The following MAGEB4 variants were observed in gnomAD, a reference collection of about 807,000 sequenced individuals.
The protein encoded by MAGEB4 is MAGE family member B4.
For missense variants in MAGEB4, 237 were observed against 269.3 expected (o/e 0.88, Z 0.84); for synonymous variants, 101 against 101.9 (o/e 0.99, Z 0.05).
In MAGEB4 at chrX:30,242,277, G is replaced by T; in HGVS notation, c.142G>T (p.Asp48Tyr). The T allele has an allele frequency of 8.3e-7, 1 of 1,206,791 alleles. No homozygotes were observed. Among genetic ancestry groups the T allele is most frequent in the Non-Finnish European group, 1.1e-6 (1 of 893,431 alleles). ...TTCCTCTTCCTCATCTGTTTTGAGGGATACTGCCTCCAGCTCCCTTGCTTT... is the reference window on the plus strand; with the variant it reads ...TTCCTCTTCCTCATCTGTTTTGAGGTATACTGCCTCCAGCTCCCTTGCTTT... ...SPSSSSSVLR[D>Y]TASSSLAFGI... The change falls in exon 1 of 1, where the codon GAT becomes TAT. Residue 48 changes from aspartate to tyrosine, a missense_variant. Coordinates refer to ENST00000378982, the MANE Select transcript of MAGEB4 (RefSeq NM_002367.4).
chrX:30,242,304 G>A lies in MAGEB4; in HGVS notation c.169G>A (p.Gly57Ser). 1.7e-6 allele frequency: 2 copies of A among 1,204,659 alleles called. No individual in the cohort carries two copies. The highest frequency in any genetic ancestry group is 2.2e-6 in the Non-Finnish European group (2 of 892,676). The change falls in exon 1 of 1, where the codon GGC becomes AGC. Residue 57 changes from glycine to serine, a missense_variant. Gly to Ser is a moderately conservative substitution (Grantham distance 56). Transcript: ENST00000378982. ...RDTASSSLAF[G>S]IPQEPQREPP... Reference sequence around the variant, plus strand: ...TACTGCCTCCAGCTCCCTTGCTTTTGGCATTCCCCAGGAGCCTCAGAGAGA... The same window carrying A: ...TACTGCCTCCAGCTCCCTTGCTTTTAGCATTCCCCAGGAGCCTCAGAGAGA...
rs1354771990 is a variant in MAGEB4 at position 30,242,710 on chromosome X, C to T, written c.575C>T (p.Ala192Val). 1 of 1,209,674 alleles carries T rather than the reference C, an allele frequency of 8.3e-7. No individual in the cohort carries two copies. Among genetic ancestry groups the T allele is most frequent in the African/African-American group, 1.7e-5 (1 of 57,208 alleles). ...LGPNDGNQSSAWTLPRNGLLM... is the reference protein window; with the variant it reads ...LGPNDGNQSSVWTLPRNGLLM... ...CCCAACGATGGAAACCAGAGCAGTG[C>T]CTGGACCCTTCCAAGGAATGGGCTT... Residue 192 changes from alanine (A) to valine (V), a missense_variant, in exon 1 of 1, where the codon GCC becomes GTC. By Grantham distance (64) the Ala-to-Val change is moderately conservative. Coordinates refer to ENST00000378982, the MANE Select transcript of MAGEB4 (RefSeq NM_002367.4).
chrX:30,243,299 A>G lies in MAGEB4; in HGVS notation c.*123A>G, dbSNP rs991035844. On this transcript the variant is annotated 3_prime_UTR_variant, in exon 1 of 1. Coordinates refer to ENST00000378982, the MANE Select transcript of MAGEB4 (RefSeq NM_002367.4). ...TTTTCCATGATGTTTCTTAAAATAG[A>G]AAGTTTATTTAGATTCAGAATATAA... 1.9e-6 allele frequency: 1 copy of G among 536,211 alleles called. No individual in the cohort carries two copies. Among genetic ancestry groups the G allele is most frequent in the Admixed American group, 4.8e-5 (1 of 20,950 alleles). The allele number at this position is 536,211 out of a possible 1,213,427, so 44.2% of individuals were successfully genotyped here.
rs1925212198 is a variant in MAGEB4, at chrX:30,243,443, A to G, written c.*267A>G. On this transcript the variant is annotated 3_prime_UTR_variant, in exon 1 of 1. Transcript: ENST00000378982. Reference sequence around the variant, plus strand: ...GAAATAATTTTTGTGATACAGAGCAAAATAACACGGCATGGGAGTAAGGTT... The same window carrying G: ...GAAATAATTTTTGTGATACAGAGCAGAATAACACGGCATGGGAGTAAGGTT... 1 of 279,208 alleles carries G rather than the reference A, an allele frequency of 3.6e-6. No individual in the cohort carries two copies. The highest frequency in any genetic ancestry group is 2.8e-5 in the African/African-American group (1 of 36,331). 23.0% of individuals were successfully genotyped at this position (279,208 alleles called of 1,213,427 possible).
rs373465680 is a variant in MAGEB4 at position 30,242,690 on chromosome X, C to T, written c.555C>T (p.Asn185=). The T allele has an allele frequency of 4.8e-5, 58 of 1,210,007 alleles. No individual in the cohort carries two copies. Among genetic ancestry groups the T allele is most frequent in the Non-Finnish European group, 5.9e-5 (53 of 895,215 alleles). Residue 185 remains asparagine (N), a synonymous_variant, in exon 1 of 1, where the codon AAC becomes AAT. Coordinates refer to ENST00000378982, the MANE Select transcript of MAGEB4 (RefSeq NM_002367.4). ...TCCTCGTCAGCATGCTAGGCCCCAA[C>T]GATGGAAACCAGAGCAGTGCCTGGA... ...SYILVSMLGP[N]DGNQSSAWTL... is the part of the protein sequence containing the mutation.
In MAGEB4 at chrX:30,243,929, GT is replaced by G. The variant is rs1295468266; in HGVS notation, c.*758del. ...AAATGATTTATCTTTTCTTTTTCCT[GT>G]TTTTCAGTGTTCTTTTTTTAAATTG... On this transcript the variant is annotated 3_prime_UTR_variant, in exon 1 of 1. Transcript: ENST00000378982. 2 of 124,106 alleles carry G rather than the reference GT, an allele frequency of 1.6e-5. No individual in the cohort carries two copies. Among genetic ancestry groups the G allele is most frequent in the African/African-American group, 6.4e-5 (2 of 31,023 alleles). The allele number at this position is 124,106 out of a possible 1,213,427, so 10.2% of individuals were successfully genotyped here. A position where few individuals can be genotyped will look rare whatever the true frequency, so the allele number is the denominator to read the frequency against.
In MAGEB4 at chrX:30,242,605, G is replaced by C; in HGVS notation, c.470G>C (p.Arg157Pro). 1.7e-6 allele frequency: 2 copies of C among 1,210,717 alleles called. No individual in the cohort carries two copies. The highest frequency in any genetic ancestry group is 2.2e-6 in the Non-Finnish European group (2 of 895,033). ...GAGATCTTCAGGAAAGTCTCTCAGC[G>C]CACGGAGCTGGTCTTTGGCCTTGCC... ...FPEIFRKVSQ[R>P]TELVFGLALK... The change falls in exon 1 of 1, where the codon CGC (arginine) becomes CCC (proline). Residue 157 changes from arginine to proline, a missense_variant. Coordinates refer to ENST00000378982, the MANE Select transcript of MAGEB4 (RefSeq NM_002367.4).
At position 30,242,912 on chromosome X, in the gene MAGEB4, G is replaced by C; in HGVS notation, c.777G>C (p.Gln259His). 8.2e-7 allele frequency: 1 copy of C among 1,212,207 alleles called. No individual in the cohort carries two copies. The highest frequency in any genetic ancestry group is 1.1e-6 in the Non-Finnish European group (1 of 895,566). ...AGGAAAAATATCTGGAATACCAGCA[G>C]GTGCCCAACAGTGATCCCCCACGCT... is the stretch of plus-strand genomic sequence containing the variant. ...LVQEKYLEYQ[Q>H]VPNSDPPRYQ... Residue 259 changes from glutamine (Q) to histidine (H), a missense_variant, in exon 1 of 1, where the codon CAG (glutamine) becomes CAC (histidine). By Grantham distance (24) the Gln-to-His change is conservative. Coordinates refer to ENST00000378982, the MANE Select transcript of MAGEB4 (RefSeq NM_002367.4).
chrX:30,243,108 C>A lies in MAGEB4; in HGVS notation c.973C>A (p.Arg325Ser), dbSNP rs374728070. 1 of 1,208,439 alleles carries A rather than the reference C, an allele frequency of 8.3e-7. No homozygotes were observed. The highest frequency in any genetic ancestry group is 3.0e-5 in the East Asian group (1 of 33,832). ...AGCCCGGCCCAGAGTTGCAGCCAGG[C>A]GTGGCACTACAGCCATGACTAGTGC... ...AGARPRVAAR[R>S]GTTAMTSAYS... Residue 325 changes from arginine to serine, a missense_variant, in exon 1 of 1, where the codon CGT becomes AGT. Transcript: ENST00000378982.
Position 30,242,809 on chromosome X carries a change from A to AT in MAGEB4, c.675dup (p.Met226TyrfsTer6). On this transcript the variant is annotated frameshift_variant, in exon 1 of 1. Transcript: ENST00000378982. LOFTEE classifies it low-confidence loss of function (END_TRUNC). The stretch of plus-strand genomic sequence containing the variant: ...GAAGAGGAAATCTGGGAATTCCTGA[A>AT]TATGCTGGGGATCTATGATGGAAAG... 8.3e-7 allele frequency: 1 copy of AT among 1,211,723 alleles called. No homozygotes were observed. The highest frequency in any genetic ancestry group is 3.0e-5 in the East Asian group (1 of 33,866).
rs1925155968 is a variant in MAGEB4, at chrX:30,242,160, C to A, written c.25C>A (p.Leu9Ile). The A allele has an allele frequency of 8.7e-7, 1 of 1,147,938 alleles. No individual in the cohort carries two copies. The highest frequency in any genetic ancestry group is 2.8e-5 in the Admixed American group (1 of 35,217). The allele number at this position is 1,147,938 out of a possible 1,213,427, so 94.6% of individuals were successfully genotyped here. ...CATGCCTCGGGGTCAGAAGAGTAAG[C>A]TCCGTGCCCGTGAGAAACGCCAGCG... MPRGQKSK[L>I]RAREKRQRTR... Residue 9 changes from leucine (L) to isoleucine (I), a missense_variant, in exon 1 of 1, where the codon CTC becomes ATC. Transcript: ENST00000378982.
Position 30,242,079 on chromosome X carries a change from C to A in MAGEB4, c.-57C>A, listed in dbSNP as rs1279379501. 1.4e-5 allele frequency: 14 copies of A among 976,691 alleles called. No homozygotes were observed. In the South Asian group the frequency reaches 2.5e-4, roughly 18 times the overall value. The allele number at this position is 976,691 out of a possible 1,213,427, so 80.5% of individuals were successfully genotyped here. A position where few individuals can be genotyped will look rare whatever the true frequency, so the allele number is the denominator to read the frequency against. On this transcript the variant is annotated 5_prime_UTR_variant, in exon 1 of 1. Transcript: ENST00000378982. Reference sequence around the variant, plus strand: ...GATTTCATTTGCTCTTCTCCAGGAACCACATCACCTGCCCTTCTGCCTACA... The same window carrying A: ...GATTTCATTTGCTCTTCTCCAGGAAACACATCACCTGCCCTTCTGCCTACA...
chrX:30,242,446 C>G lies in MAGEB4; in HGVS notation c.311C>G (p.Ser104Ter). Reference sequence around the variant, plus strand: ...CAGGCCTCAACATCCACTGAGAGATCACTCAAAGATTCTCTAACCAGGAAG... The same window carrying G: ...CAGGCCTCAACATCCACTGAGAGATGACTCAAAGATTCTCTAACCAGGAAG... The part of the protein sequence containing the change: ...SSQASTSTER[S>*]LKDSLTRKTK... The change falls in exon 1 of 1, where the codon TCA (serine) becomes TGA (stop). Residue 104 changes from serine (S) to a stop codon, truncating the protein, a stop_gained. Coordinates refer to ENST00000378982, the MANE Select transcript of MAGEB4 (RefSeq NM_002367.4). LOFTEE classifies it low-confidence loss of function (END_TRUNC). The G allele has an allele frequency of 8.3e-7, 1 of 1,209,447 alleles. No homozygotes were observed. The highest frequency in any genetic ancestry group is 1.1e-6 in the Non-Finnish European group (1 of 894,145).
Position 30,243,011 on chromosome X carries a change from G to T in MAGEB4, c.876G>T (p.Val292=), listed in dbSNP as rs766647973. 6 of 1,210,164 alleles carry T rather than the reference G, an allele frequency of 5.0e-6. No homozygotes were observed. Among genetic ancestry groups the T allele is most frequent in the Non-Finnish European group, 6.7e-6 (6 of 895,333 alleles). Residue 292 remains valine (V), a synonymous_variant, in exon 1 of 1, where the codon GTG becomes GTT. Transcript: ENST00000378982. The part of the protein sequence containing the change: ...KMKVLEFLAK[V]NDTTPNNFPL... Reference sequence around the variant, plus strand: ...AAGTCCTGGAGTTTTTGGCCAAGGTGAATGACACCACCCCCAATAACTTCC... The same window carrying T: ...AAGTCCTGGAGTTTTTGGCCAAGGTTAATGACACCACCCCCAATAACTTCC...
At position 30,242,773 on chromosome X, in the gene MAGEB4, A is replaced by G. The variant is rs1201466755; in HGVS notation, c.638A>G (p.Asn213Ser). The change falls in exon 1 of 1, where the codon AAC becomes AGC. Residue 213 changes from asparagine (N) to serine (S), a missense_variant. Coordinates refer to ENST00000378982, the MANE Select transcript of MAGEB4 (RefSeq NM_002367.4). The part of the protein sequence containing the change: ...PLLSVIFLNG[N>S]CAREEEIWEF... ...CTGAGTGTGATCTTCTTAAATGGCA[A>G]CTGTGCCCGTGAAGAGGAAATCTGG... 4 of 1,211,746 alleles carry G rather than the reference A, an allele frequency of 3.3e-6. No homozygotes were observed. The highest frequency in any genetic ancestry group is 5.9e-5 in the East Asian group (2 of 33,849).
chrX:30,243,317 G>T lies in MAGEB4; in HGVS notation c.*141G>T, dbSNP rs776373361. 2.0e-6 allele frequency: 1 copy of T among 491,227 alleles called. No homozygotes were observed. Among genetic ancestry groups the T allele is most frequent in the Admixed American group, 4.9e-5 (1 of 20,385 alleles). The allele number at this position is 491,227 out of a possible 1,213,427, so 40.5% of individuals were successfully genotyped here. A position where few individuals can be genotyped will look rare whatever the true frequency, so the allele number is the denominator to read the frequency against. On this transcript the variant is annotated 3_prime_UTR_variant, in exon 1 of 1. Coordinates refer to ENST00000378982, the MANE Select transcript of MAGEB4 (RefSeq NM_002367.4). ...AAAATAGAAAGTTTATTTAGATTCAGAATATAAATTTAGAAATGGCATGCA... is the reference window on the plus strand; with the variant it reads ...AAAATAGAAAGTTTATTTAGATTCATAATATAAATTTAGAAATGGCATGCA...
At position 30,242,449 on chromosome X, in the gene MAGEB4, T is replaced by G; in HGVS notation, c.314T>G (p.Leu105Arg). The G allele has an allele frequency of 8.3e-7, 1 of 1,209,203 alleles. No homozygotes were observed. Among genetic ancestry groups the G allele is most frequent in the Middle Eastern group, 2.3e-4 (1 of 4,351 alleles). ...GCCTCAACATCCACTGAGAGATCAC[T>G]CAAAGATTCTCTAACCAGGAAGACG... The part of the protein sequence containing the change: ...SQASTSTERS[L>R]KDSLTRKTKM... Residue 105 changes from leucine to arginine, a missense_variant, in exon 1 of 1, where the codon CTC (leucine) becomes CGC (arginine). Physicochemically the swap from Leu to Arg is moderately radical, Grantham distance 102. Transcript: ENST00000378982.
rs1925212698 is a variant in MAGEB4 at position 30,243,453 on chromosome X, G to T, written c.*277G>T. 2 of 262,087 alleles carry T rather than the reference G, an allele frequency of 7.6e-6. No individual in the cohort carries two copies. Among genetic ancestry groups the T allele is most frequent in the Non-Finnish European group, 1.4e-5 (2 of 141,823 alleles). The allele number at this position is 262,087 out of a possible 1,213,427, so 21.6% of individuals were successfully genotyped here. ...TTGTGATACAGAGCAAAATAACACG[G>T]CATGGGAGTAAGGTTATCCTTAGAA... On this transcript the variant is annotated 3_prime_UTR_variant, in exon 1 of 1. Coordinates refer to ENST00000378982, the MANE Select transcript of MAGEB4 (RefSeq NM_002367.4).
Position 30,243,343 on chromosome X carries a change from T to C in MAGEB4, c.*167T>C. ...AATATAAATTTAGAAATGGCATGCA[T>C]CACACATTTATTGCTGTTTATCAGG... On this transcript the variant is annotated 3_prime_UTR_variant, in exon 1 of 1. Transcript: ENST00000378982. 1 of 416,912 alleles carries C rather than the reference T, an allele frequency of 2.4e-6. No individual in the cohort carries two copies. The highest frequency in any genetic ancestry group is 4.0e-6 in the Non-Finnish European group (1 of 251,821). The allele number at this position is 416,912 out of a possible 1,213,427, so 34.4% of individuals were successfully genotyped here.
Sources: gnomAD v4.1 joint callset for allele counts on GRCh38, gnomAD v4.1.1 for gene constraint, MANE v1.5 for transcripts, NCBI Gene and HGNC (gene_info 2026-07-23, HGNC 2026-07-21) for gene names.